Variants in SPDL1 observed in about 807,000 individuals in gnomAD.
The protein encoded by SPDL1 is spindle apparatus coiled-coil protein 1, also known as protein Spindly.
SPDL1 carries 85 observed loss-of-function variants against 79.5 expected under a neutral mutation model. The observed-to-expected ratio is 1.07, with a 90% confidence interval of 0.90 to 1.28. The LOEUF is 1.28. Among genes scored for constraint, SPDL1 ranks in the 50% most tolerant of loss-of-function variants. The probability of loss-of-function intolerance (pLI) is 0.00; values close to 1 mark genes in which losing one functional copy is unlikely to be tolerated. For missense variants in SPDL1, 703 were observed against 697.8 expected (o/e 1.01, Z -0.08); for synonymous variants, 269 against 240.3 (o/e 1.12, Z -1.10).
chr5:169,589,980 G>C (rs147928681), intron 2 of SPDL1, among the ~76,000 whole-genome samples: 2,330 of 152,252 alleles, frequency 0.015, 26 homozygotes, highest in South Asian at 0.04. Context: ...GGCATGAGCC[G>C]TTGTGCCCGG....
intron 1 of SPDL1, chr5:169,586,530 C>T (rs961072534): frequency 6.6e-6 from 1 of 152,220 alleles, no homozygotes; most frequent in African/African-American, 2.4e-5. Flanking sequence ...TATCCAATTG[C>T]CTACTTGACA....
At chr5:169,594,727 C>A in intron 7 of SPDL1, 46 bp downstream of exon 7, 1 of 1,324,940 alleles carries the variant, frequency 7.5e-7, no homozygotes, top group Non-Finnish European at 1.1e-6. Flanking sequence ...AATTTTGTGT[C>A]AGCATTACAT....
chr5:169,600,088 G>A (rs929805929), intron 10 of SPDL1, among the ~76,000 whole-genome samples: 2 of 152,156 alleles, frequency 1.3e-5, no homozygotes, highest in African/African-American at 4.8e-5. Flanking sequence ...AGGAGTCTAA[G>A]AATGTGATGG....
intron 4 of SPDL1, 61 bp from the exon 5 acceptor site, chr5:169,594,084 G>T: frequency 1.4e-6 from 2 of 1,409,442 alleles, no homozygotes; most frequent in South Asian, 2.7e-5. Context: ...GATAAACTGA[G>T]CAGCTGCCAA....
At chr5:169,585,269 C>T (rs1754933119) in intron 1 of SPDL1, among the ~76,000 whole-genome samples, 1 of 152,198 alleles carries the variant, frequency 6.6e-6, no homozygotes, top group Non-Finnish European at 1.5e-5. Flanking sequence ...CTCTCTTGCA[C>T]TTATCATACT....
In SPDL1 at chr5:169,604,268, A is replaced by T; in HGVS notation, c.*61A>T. 1 of 1,427,194 alleles carries T rather than the reference A, an allele frequency of 7.0e-7. No homozygotes were observed. Among genetic ancestry groups the T allele is most frequent in the Non-Finnish European group, 9.3e-7 (1 of 1,072,136 alleles). 88.4% of individuals were successfully genotyped at this position (1,427,194 alleles called of 1,614,324 possible). A position where few individuals can be genotyped will look rare whatever the true frequency, so the allele number is the denominator to read the frequency against. Reference sequence around the variant, plus strand: ...CTCAAAAGTTACTATGGTGCTTAAGATTGTCTTGATCTGACATATATCACC... The same window carrying T: ...CTCAAAAGTTACTATGGTGCTTAAGTTTGTCTTGATCTGACATATATCACC... On this transcript the variant is annotated 3_prime_UTR_variant, in exon 12 of 12. Transcript: ENST00000265295.
chr5:169,588,741 T>C (rs1755118643), intron 2 of SPDL1, 166 bp downstream of exon 2: 1 of 531,004 alleles, frequency 1.9e-6, no homozygotes, highest in Non-Finnish European at 3.2e-6. Context: ...TGAATTCCTG[T>C]TATTCTTTCC....
intron 1 of SPDL1, chr5:169,586,206 T>G (rs1404891010): frequency 6.6e-6 from 1 of 152,314 alleles, no homozygotes; most frequent in Non-Finnish European, 1.5e-5. Context: ...ATATCAAAAC[T>G]GTTCTTGTCA....
In SPDL1 at chr5:169,583,875, G is replaced by A. The variant is rs1754834165; in HGVS notation, c.-38G>A. On this transcript the variant is annotated 5_prime_UTR_variant, in exon 1 of 12. Transcript: ENST00000265295. ...AGGAGCCGCTGGCTGCGGCAGCAGG[G>A]GACTAGCGTGAGAGGTAGGGGCAAG... 1 of 152,492 alleles carries A rather than the reference G, an allele frequency of 6.6e-6. No homozygotes were observed. Among genetic ancestry groups the A allele is most frequent in the African/African-American group, 2.4e-5 (1 of 41,486 alleles). 9.4% of individuals were successfully genotyped at this position (152,492 alleles called of 1,614,324 possible).
chr5:169,587,261 A>G (rs190166768), intron 1 of SPDL1: 1 of 152,290 alleles, frequency 6.6e-6, no homozygotes, highest in East Asian at 1.9e-4. Flanking sequence ...AACTGCCCAG[A>G]ATGGAACCTA....
chr5:169,591,449 T>C (rs1041929692), intron 3 of SPDL1, among the ~76,000 whole-genome samples: 1 of 152,202 alleles, frequency 6.6e-6, no homozygotes, highest in Non-Finnish European at 1.5e-5. Context: ...TAATTTTGGT[T>C]GCTGGATATT....
intron 11 of SPDL1, among the ~76,000 whole-genome samples, chr5:169,603,834 C>A (rs894591656): frequency 6.6e-6 from 1 of 152,124 alleles, no homozygotes; most frequent in African/African-American, 2.4e-5. Context: ...AGCCTGGTGA[C>A]AGAGTGAGAC....
chr5:169,601,636 T>G lies in SPDL1; in HGVS notation c.1670+11T>G. ...CCCTAACTCTCCCAGGTCAGTGTCCTCTTTTCCTCCAGGCAGCCAGCAGAC... is the reference window on the plus strand; with the variant it reads ...CCCTAACTCTCCCAGGTCAGTGTCCGCTTTTCCTCCAGGCAGCCAGCAGAC... On this transcript the variant is annotated intron_variant, in intron 11 of 11. Coordinates refer to ENST00000265295, the MANE Select transcript of SPDL1 (RefSeq NM_017785.5). 1 of 1,612,446 alleles carries G rather than the reference T, an allele frequency of 6.2e-7. No homozygotes were observed. The highest frequency in any genetic ancestry group is 1.1e-5 in the South Asian group (1 of 90,908).
chr5:169,588,454 T>C lies in SPDL1; in HGVS notation c.38T>C (p.Leu13Pro). The change falls in exon 2 of 12, where the codon CTC (leucine) becomes CCC (proline). Residue 13 changes from leucine (L) to proline (P), a missense_variant. Coordinates refer to ENST00000265295, the MANE Select transcript of SPDL1 (RefSeq NM_017785.5). Reference sequence around the variant, plus strand: ...ATAATCACAAATCTTCGATGCAGGCTCAAAGAGGCTGAAGAAGAGCGACTA... The same window carrying C: ...ATAATCACAAATCTTCGATGCAGGCCCAAAGAGGCTGAAGAAGAGCGACTA... ...ADIITNLRCR[L>P]KEAEEERLKA... 6.2e-7 allele frequency: 1 copy of C among 1,613,394 alleles called. No homozygotes were observed. The highest frequency in any genetic ancestry group is 8.5e-7 in the Non-Finnish European group (1 of 1,179,718).
chr5:169,592,288 C>A (rs1418277818), intron 3 of SPDL1, among the ~76,000 whole-genome samples: 6 of 136,990 alleles, frequency 4.4e-5, no homozygotes, highest in Non-Finnish European at 7.6e-5. Flanking sequence ...ATGATCTCGG[C>A]TCACCTGCAA....
chr5:169,604,415 C>G lies in SPDL1; in HGVS notation c.*208C>G, dbSNP rs1581327511. The G allele has an allele frequency of 2.9e-6, 1 of 347,210 alleles. No individual in the cohort carries two copies. Among genetic ancestry groups the G allele is most frequent in the East Asian group, 4.4e-5 (1 of 22,726 alleles). The allele number at this position is 347,210 out of a possible 1,614,324, so 21.5% of individuals were successfully genotyped here. On this transcript the variant is annotated 3_prime_UTR_variant, in exon 12 of 12. Transcript: ENST00000265295. Reference sequence around the variant, plus strand: ...TAAGTGATGCCCCTTCATGGAGCTTCTATGACAGTGAATAAACTATTAATT... The same window carrying G: ...TAAGTGATGCCCCTTCATGGAGCTTGTATGACAGTGAATAAACTATTAATT...
chr5:169,596,619 A>G lies in SPDL1; in HGVS notation c.950A>G (p.Glu317Gly), dbSNP rs377594891. ...TCTCAAACTGAATTTGAGCAGCAGGAACGGTTGCTTGCCATGTTGGAGCAG... is the reference window on the plus strand; with the variant it reads ...TCTCAAACTGAATTTGAGCAGCAGGGACGGTTGCTTGCCATGTTGGAGCAG... ...KGSQTEFEQQ[E>G]RLLAMLEQKN... is the part of the protein sequence containing the mutation. The change falls in exon 8 of 12, where the codon GAA (glutamate) becomes GGA (glycine). Residue 317 changes from glutamate (E) to glycine (G), a missense_variant. Transcript: ENST00000265295. The G allele has an allele frequency of 1.2e-6, 2 of 1,609,312 alleles. No homozygotes were observed. The highest frequency in any genetic ancestry group is 3.4e-5 in the Admixed American group (2 of 58,668).
In SPDL1 at chr5:169,601,627, T is replaced by G; in HGVS notation, c.1670+2T>G. The stretch of plus-strand genomic sequence containing the variant: ...TGGAAACACCCCTAACTCTCCCAGG[T>G]CAGTGTCCTCTTTTCCTCCAGGCAG... On this transcript the variant is annotated splice_donor_variant, in intron 11 of 11. Coordinates refer to ENST00000265295, the MANE Select transcript of SPDL1 (RefSeq NM_017785.5). LOFTEE classifies it high-confidence loss of function. 6.2e-7 allele frequency: 1 copy of G among 1,613,616 alleles called. No homozygotes were observed. The highest frequency in any genetic ancestry group is 2.2e-5 in the East Asian group (1 of 44,878).
chr5:169,601,677 C>G (rs1755931732), intron 11 of SPDL1, 52 bp downstream of exon 11: 4 of 1,445,986 alleles, frequency 2.8e-6, no homozygotes, highest in South Asian at 2.3e-5. Context: ...CATCTCTCCT[C>G]TCTCGCTGCA....
Sources: allele counts gnomAD v4.1 joint callset (sites outside exome capture counted in the v4.1 genomes callset), GRCh38; gene constraint gnomAD v4.1.1; transcripts MANE v1.5; gene names NCBI Gene and HGNC (gene_info 2026-07-23, HGNC 2026-07-21).